RCAN2: variants seen among roughly 807,000 people sequenced by gnomAD.
RCAN2 encodes regulator of calcineurin 2, also known as calcipressin-2.
Under a neutral mutation model 23.6 loss-of-function variants are expected in RCAN2, and 9 were observed. The observed-to-expected ratio is 0.38, with a 90% CI of 0.23 to 0.67. The LOEUF is 0.67. Ranked by LOEUF, RCAN2 falls within the 30% of genes least tolerant of loss-of-function variation. The pLI is 0.51. For synonymous variants in RCAN2, 109 were observed against 115.7 expected (o/e 0.94, Z 0.37); for missense variants, 273 against 302.3 (o/e 0.90, Z 0.72).
chr6:46,289,632 T>C (rs909255919), intron 2 of RCAN2, among the ~76,000 whole-genome samples: 1 of 151,974 alleles, frequency 6.6e-6, no homozygotes, highest in Non-Finnish European at 1.5e-5. Flanking sequence ...TTAGGAAGAG[T>C]AGAAAAATAG....
intron 2 of RCAN2, chr6:46,325,341 C>T: frequency 6.2e-7 from 1 of 1,605,008 alleles, no homozygotes; most frequent in Non-Finnish European, 8.5e-7. Flanking sequence ...AAAGGCTCTG[C>T]CAAGCAGCGT....
chr6:46,310,768 A>G (rs1255962005), intron 2 of RCAN2, among the ~76,000 whole-genome samples: 1 of 152,212 alleles, frequency 6.6e-6, no homozygotes, highest in East Asian at 1.9e-4. Flanking sequence ...GAAGCTTAGA[A>G]AGACCTGATG....
At chr6:46,453,496 T>C (rs1045391277) in intron 2 of RCAN2, among the ~76,000 whole-genome samples, 1 of 152,208 alleles carries the variant, frequency 6.6e-6, no homozygotes, top group Admixed American at 6.5e-5. Flanking sequence ...AACACAAAGC[T>C]GTTTTTTAAC....
chr6:46,327,543 A>G (rs1403376503), intron 2 of RCAN2, among the ~76,000 whole-genome samples: 1 of 152,218 alleles, frequency 6.6e-6, no homozygotes, highest in Non-Finnish European at 1.5e-5. Context: ...GAAAAGGTAA[A>G]TGGGGGATCT....
At chr6:46,364,929 C>T (rs1294676666) in intron 2 of RCAN2, among the ~76,000 whole-genome samples, 1 of 152,130 alleles carries the variant, frequency 6.6e-6, no homozygotes, top group African/African-American at 2.4e-5. Flanking sequence ...CAGCCTGTTC[C>T]CTCTACCTGG....
intron 2 of RCAN2, among the ~76,000 whole-genome samples, chr6:46,353,772 T>G (rs1393727878): frequency 6.6e-6 from 1 of 152,182 alleles, no homozygotes; most frequent in Non-Finnish European, 1.5e-5. Flanking sequence ...AAGGAAACAC[T>G]GATTTATTTA....
intron 2 of RCAN2, among the ~76,000 whole-genome samples, chr6:46,438,034 G>T (rs1028391068): frequency 6.6e-6 from 1 of 152,102 alleles, no homozygotes; most frequent in Non-Finnish European, 1.5e-5. Flanking sequence ...CTGTGGCTGG[G>T]TTTACTTGGA....
intron 2 of RCAN2, among the ~76,000 whole-genome samples, chr6:46,322,865 C>T (rs1404054953): frequency 6.6e-6 from 1 of 152,194 alleles, no homozygotes; most frequent in Non-Finnish European, 1.5e-5. Flanking sequence ...TACGTTTGAA[C>T]CTTTCTTCGT....
intron 2 of RCAN2, among the ~76,000 whole-genome samples, chr6:46,377,822 C>T (rs1430133720): frequency 1.3e-5 from 2 of 152,122 alleles, no homozygotes; most frequent in Admixed American, 1.3e-4. Context: ...GTCAGAAAGA[C>T]CTGAGTTCAA....
rs765289032 is a variant in RCAN2, at chr6:46,223,081, C to T, written c.*60G>A. ...TTTAAAGGCAATTTTTTTTGACAAA[C>T]AACAGGGGGAAAAAGCATGATAAAG... On this transcript the variant is annotated 3_prime_UTR_variant, in exon 5 of 5. Coordinates refer to ENST00000371374, the MANE Select transcript of RCAN2 (RefSeq NM_001251974.2). 9 of 1,572,406 alleles carry T rather than the reference C, an allele frequency of 5.7e-6. No homozygotes were observed. The highest frequency in any genetic ancestry group is 7.8e-6 in the Non-Finnish European group (9 of 1,158,312).
At chr6:46,335,114 T>C (rs1764099661) in intron 2 of RCAN2, among the ~76,000 whole-genome samples, 1 of 152,160 alleles carries the variant, frequency 6.6e-6, no homozygotes, top group Admixed American at 6.5e-5. Context: ...CTCATGAGGA[T>C]TTTCCAAACC....
At chr6:46,424,852 A>G (rs183140163) in intron 2 of RCAN2, among the ~76,000 whole-genome samples, 2 of 152,338 alleles carry the variant, frequency 1.3e-5, no homozygotes, top group East Asian at 3.9e-4. Flanking sequence ...CTTAGATTTT[A>G]ATCAATGCTT....
At chr6:46,323,850 T>C (rs1763698978) in intron 2 of RCAN2, among the ~76,000 whole-genome samples, 1 of 152,248 alleles carries the variant, frequency 6.6e-6, no homozygotes, top group African/African-American at 2.4e-5. Flanking sequence ...ATAAGCACAA[T>C]GCCTGGCATG....
At chr6:46,405,078 G>T (rs917930879) in intron 2 of RCAN2, among the ~76,000 whole-genome samples, 1 of 152,180 alleles carries the variant, frequency 6.6e-6, no homozygotes, top group African/African-American at 2.4e-5. Context: ...TGATCTCACC[G>T]ACTTCAAGAA....
intron 4 of RCAN2, among the ~76,000 whole-genome samples, chr6:46,245,149 A>G (rs1766469847): frequency 6.6e-6 from 1 of 152,144 alleles, no homozygotes; most frequent in Admixed American, 6.5e-5. Context: ...TTATTATTAT[A>G]TTGCTTCTTT....
At chr6:46,404,501 C>T (rs572486689) in intron 2 of RCAN2, among the ~76,000 whole-genome samples, 249 of 152,214 alleles carry the variant, frequency 1.6e-3, no homozygotes, top group Admixed American at 4.3e-3. Context: ...GAGTACCTTA[C>T]TATACGTTAT....
intron 2 of RCAN2, among the ~76,000 whole-genome samples, chr6:46,277,363 A>T (rs947434377): frequency 6.6e-6 from 1 of 152,212 alleles, no homozygotes; most frequent in African/African-American, 2.4e-5. Context: ...CTATAGGTAG[A>T]TGACTATAGA....
intron 4 of RCAN2, among the ~76,000 whole-genome samples, chr6:46,227,793 G>A (rs145118652): frequency 2.3e-4 from 35 of 151,994 alleles, no homozygotes; most frequent in Middle Eastern, 3.4e-3. Context: ...CTTCAGTTCT[G>A]CTCTGATCTT....
chr6:46,262,864 A>C (rs1265132081), intron 2 of RCAN2, among the ~76,000 whole-genome samples: 1 of 152,110 alleles, frequency 6.6e-6, no homozygotes, highest in East Asian at 1.9e-4. Context: ...TTCCGCCAGT[A>C]ACAGCCTTTT....
Sources: gnomAD v4.1 joint callset for allele counts (sites outside exome capture counted in the v4.1 genomes callset) on GRCh38, gnomAD v4.1.1 for gene constraint, MANE v1.5 for transcripts, NCBI Gene and HGNC (gene_info 2026-07-23, HGNC 2026-07-21) for gene names.